The following HS3ST4 variants were observed in gnomAD, a reference collection of about 807,000 sequenced individuals.
HS3ST4 encodes heparan sulfate-glucosamine 3-sulfotransferase 4, also known as heparan sulfate glucosamine 3-O-sulfotransferase 4.
In HS3ST4, 17 loss-of-function variants were observed where a neutral mutation model predicts 29.2. The observed-to-expected ratio is 0.58, with a 90% CI of 0.40 to 0.87. HS3ST4 has a LOEUF of 0.87. Ranked by LOEUF, HS3ST4 falls within the 40% of genes least tolerant of loss-of-function variation. HS3ST4 has a pLI of 0.00. For synonymous variants in HS3ST4, 314 were observed against 285.7 expected (o/e 1.10, Z -1.00); for missense variants, 627 against 634.5 (o/e 0.99, Z 0.13).
chr16:25,724,642 A>T (rs1015125334), intron 1 of HS3ST4, among the ~76,000 whole-genome samples: 12 of 152,172 alleles, frequency 7.9e-5, no homozygotes, highest in African/African-American at 2.6e-4. Flanking sequence ...GATTACAGGC[A>T]TGAGCCACTG....
chr16:25,756,131 C>T (rs942225792), intron 1 of HS3ST4, among the ~76,000 whole-genome samples: 11 of 81,592 alleles, frequency 1.3e-4, no homozygotes, highest in Non-Finnish European at 1.9e-4. Flanking sequence ...CACACATACA[C>T]ACACACACAC....
Position 25,692,825 on chromosome 16 carries a change from G to C in HS3ST4, c.408G>C (p.Gln136His), listed in dbSNP as rs1966265243. Residue 136 changes from glutamine to histidine, a missense_variant, in exon 1 of 2, where the codon CAG becomes CAC. Gln to His is a conservative substitution (Grantham distance 24, BLOSUM62 0). This residue lies in a region of HS3ST4 where 402 missense variants were observed against 340.8 expected (regional missense o/e 1.18). Transcript: ENST00000331351. Reference protein sequence around the residue: ...WGLPSGGGGAQDAWLRTPLAP... With the variant: ...WGLPSGGGGAHDAWLRTPLAP... The stretch of plus-strand genomic sequence containing the variant: ...TGCCGAGCGGCGGCGGAGGCGCCCA[G>C]GACGCCTGGCTCCGGACCCCGCTGG... 3.6e-6 allele frequency: 5 copies of C among 1,390,204 alleles called. No homozygotes were observed. Among genetic ancestry groups the C allele is most frequent in the East Asian group, 6.1e-5 (2 of 32,878 alleles). The allele number at this position is 1,390,204 out of a possible 1,614,324, so 86.1% of individuals were successfully genotyped here.
rs1567320461 is a variant in HS3ST4, at chr16:26,135,650, TGGA to T, written c.775_777del (p.Glu259del). 1 of 1,612,210 alleles carries T rather than the reference TGGA, an allele frequency of 6.2e-7. No homozygotes were observed. Among genetic ancestry groups the T allele is most frequent in the South Asian group, 1.1e-5 (1 of 90,600 alleles). On this transcript the variant is annotated inframe_deletion, in exon 2 of 2. Transcript: ENST00000331351. The stretch of plus-strand genomic sequence containing the variant: ...AAGACTTTGGATGGGCAAATAACCA[TGGA>T]GAAGACTCCAAGTTACTTTGTGACA...
At chr16:26,106,455 C>T (rs569035876) in intron 1 of HS3ST4, among the ~76,000 whole-genome samples, 4 of 152,036 alleles carry the variant, frequency 2.6e-5, no homozygotes, top group Non-Finnish European at 5.9e-5. Context: ...AGTGGTGAAC[C>T]AAAACACATG....
chr16:25,693,566 C>T (rs1966272895), intron 1 of HS3ST4, among the ~76,000 whole-genome samples: 1 of 152,128 alleles, frequency 6.6e-6, no homozygotes. Flanking sequence ...GATTTGAGGT[C>T]CCCTGGAATC....
At chr16:26,098,515 A>G (rs1404392096) in intron 1 of HS3ST4, among the ~76,000 whole-genome samples, 1 of 152,148 alleles carries the variant, frequency 6.6e-6, no homozygotes, top group African/African-American at 2.4e-5. Flanking sequence ...GTTCTCACTC[A>G]TGGGTGGGAA....
intron 1 of HS3ST4, among the ~76,000 whole-genome samples, chr16:25,789,408 TTCCTTCCTTCCTTCCTTCCTTCCTTCC>T (rs1966863572): frequency 1.7e-5 from 1 of 58,862 alleles, no homozygotes; most frequent in African/African-American, 8.3e-5. Context: ...TGTTTTTTCC[TTCCTTCCTTCCTTCCTTCCTTCCTTCC>T]TTCCTTCCTT....
chr16:25,909,806 G>T (rs1182178253), intron 1 of HS3ST4, among the ~76,000 whole-genome samples: 4 of 152,292 alleles, frequency 2.6e-5, no homozygotes, highest in African/African-American at 9.6e-5. Context: ...GCTTGTGAGG[G>T]TCAGTACAGG....
intron 1 of HS3ST4, among the ~76,000 whole-genome samples, chr16:25,917,806 A>G (rs985029979): frequency 1.7e-4 from 26 of 152,242 alleles, no homozygotes; most frequent in African/African-American, 6.3e-4. Context: ...GTAATCTGCA[A>G]CTGTTTCCTT....
chr16:25,795,116 C>T (rs1013375004), intron 1 of HS3ST4, among the ~76,000 whole-genome samples: 10 of 151,808 alleles, frequency 6.6e-5, no homozygotes, highest in Admixed American at 2.6e-4. Context: ...GGATTACAGG[C>T]GCCTGCCACC....
chr16:25,835,889 G>A (rs1327764224), intron 1 of HS3ST4, among the ~76,000 whole-genome samples: 1 of 152,178 alleles, frequency 6.6e-6, no homozygotes, highest in Non-Finnish European at 1.5e-5. Flanking sequence ...AATTGACGCT[G>A]GCTCACTGAA....
intron 1 of HS3ST4, among the ~76,000 whole-genome samples, chr16:26,006,852 C>T (rs572491748): frequency 7.1e-4 from 108 of 152,314 alleles, no homozygotes; most frequent in African/African-American, 2.4e-3. Context: ...GGAAGTCTTT[C>T]GTTAACTTTA....
intron 1 of HS3ST4, among the ~76,000 whole-genome samples, chr16:26,082,160 T>A (rs969085451): frequency 6.6e-6 from 1 of 152,190 alleles, no homozygotes; most frequent in Non-Finnish European, 1.5e-5. Flanking sequence ...AGTTTTACAA[T>A]AGAGCCTCTA....
At chr16:25,871,129 T>G (rs1967747678) in intron 1 of HS3ST4, among the ~76,000 whole-genome samples, 1 of 150,666 alleles carries the variant, frequency 6.6e-6, no homozygotes, top group South Asian at 2.1e-4. Flanking sequence ...CATACAAGAG[T>G]TTTTGGAGGA....
chr16:25,777,437 G>A (rs1252943282), intron 1 of HS3ST4, among the ~76,000 whole-genome samples: 3 of 152,028 alleles, frequency 2.0e-5, no homozygotes, highest in Non-Finnish European at 2.9e-5. Context: ...GTGTGTGTGT[G>A]TGTGTGTGTG....
At chr16:25,717,002 C>T (rs988651958) in intron 1 of HS3ST4, among the ~76,000 whole-genome samples, 10 of 151,926 alleles carry the variant, frequency 6.6e-5, no homozygotes, top group East Asian at 5.8e-4. Flanking sequence ...CACAGTGAGC[C>T]GAGTTCGGGC....
chr16:25,752,913 G>T (rs1028216743), intron 1 of HS3ST4, among the ~76,000 whole-genome samples: 6 of 152,218 alleles, frequency 3.9e-5, no homozygotes, highest in African/African-American at 1.4e-4. Flanking sequence ...GAAACAATTA[G>T]ACTGACGGTA....
At chr16:25,878,394 C>T (rs995226777) in intron 1 of HS3ST4, among the ~76,000 whole-genome samples, 7 of 152,102 alleles carry the variant, frequency 4.6e-5, no homozygotes, top group Non-Finnish European at 8.8e-5. Context: ...TCTCTCATTA[C>T]GTTTGTTTAA....
intron 1 of HS3ST4, among the ~76,000 whole-genome samples, chr16:25,967,102 A>G (rs968875566): frequency 2.6e-5 from 4 of 152,196 alleles, no homozygotes; most frequent in South Asian, 2.1e-4. Context: ...TAGTGCAGAC[A>G]TATGTTTGAG....
Sources: allele counts gnomAD v4.1 joint callset (sites outside exome capture counted in the v4.1 genomes callset), GRCh38; gene constraint gnomAD v4.1.1; regional missense constraint gnomAD v4.1.1; transcripts MANE v1.5; gene names NCBI Gene and HGNC (gene_info 2026-07-23, HGNC 2026-07-21).